The following BMPR2 variants were observed in gnomAD, a reference collection of about 807,000 sequenced individuals.
BMPR2 encodes bone morphogenetic protein receptor type-2.
BMPR2 carries 29 observed loss-of-function variants against 100.8 expected under a neutral mutation model. The observed-to-expected ratio is 0.29, with a 90% CI of 0.21 to 0.39. The LOEUF is 0.39. Ranked by LOEUF, BMPR2 falls within the 10% of genes least tolerant of loss-of-function variation. BMPR2 has a pLI of 1.00. For missense variants in BMPR2, 1,011 were observed against 1,274.5 expected (o/e 0.79, Z 3.15); for synonymous variants, 382 against 442.3 (o/e 0.86, Z 1.71).
chr2:202,459,030 G>C (rs1397475684), intron 1 of BMPR2, among the ~76,000 whole-genome samples: 1 of 152,144 alleles, frequency 6.6e-6, no homozygotes, highest in Non-Finnish European at 1.5e-5. Flanking sequence ...TTTTTATACT[G>C]TCTCTCTGCT....
At chr2:202,398,857 G>A (rs1013762475) in intron 1 of BMPR2, among the ~76,000 whole-genome samples, 18 of 152,266 alleles carry the variant, frequency 1.2e-4, no homozygotes, top group Admixed American at 7.8e-4. Context: ...AGCCGGGTGC[G>A]GTGGCTCACG....
intron 1 of BMPR2, among the ~76,000 whole-genome samples, chr2:202,431,674 T>C (rs1691504800): frequency 6.7e-6 from 1 of 150,186 alleles, no homozygotes; most frequent in South Asian, 2.1e-4. Context: ...CAATATTCAG[T>C]AGTATAGTAA....
chr2:202,484,782 C>T (rs1236005627), intron 3 of BMPR2, among the ~76,000 whole-genome samples: 2 of 150,872 alleles, frequency 1.3e-5, no homozygotes, highest in Non-Finnish European at 2.9e-5. Context: ...CTGGCTAACA[C>T]GGTGAAACCC....
chr2:202,518,997 G>C lies in BMPR2; in HGVS notation c.797G>C (p.Arg266Thr), dbSNP rs374694591. The C allele has an allele frequency of 7.1e-5, 114 of 1,614,164 alleles. No homozygotes were observed. Among genetic ancestry groups the C allele is most frequent in the Non-Finnish European group, 9.3e-5 (110 of 1,180,032 alleles). Reference sequence around the variant, plus strand: ...GCCCGCTTTATAGTTGGAGATGAGAGAGTCACTGCAGATGGACGCATGGAA... The same window carrying C: ...GCCCGCTTTATAGTTGGAGATGAGACAGTCACTGCAGATGGACGCATGGAA... ...NIARFIVGDE[R>T]VTADGRMEYL... Residue 266 changes from arginine to threonine, a missense_variant, in exon 6 of 13, where the codon AGA becomes ACA. By Grantham distance (71) the Arg-to-Thr change is moderately conservative (BLOSUM62 -1). This residue lies in a region of BMPR2 where 355 missense variants were observed against 455.3 expected (regional missense o/e 0.78). Transcript: ENST00000374580.
At chr2:202,420,537 A>ATATTT (rs1201308485) in intron 1 of BMPR2, among the ~76,000 whole-genome samples, 1 of 58,980 alleles carries the variant, frequency 1.7e-5, no homozygotes, top group South Asian at 9.1e-4. Context: ...TAGAAGCATG[A>ATATTT]TTTTTTTTTT....
intron 1 of BMPR2, among the ~76,000 whole-genome samples, chr2:202,452,823 G>A (rs1692015018): frequency 6.6e-6 from 1 of 152,182 alleles, no homozygotes; most frequent in Non-Finnish European, 1.5e-5. Flanking sequence ...CAAGTAGTAA[G>A]AATTATGGGG....
At chr2:202,449,265 G>A (rs1439816567) in intron 1 of BMPR2, among the ~76,000 whole-genome samples, 5 of 151,322 alleles carry the variant, frequency 3.3e-5, no homozygotes, top group East Asian at 1.9e-4. Flanking sequence ...CCAAGATTGC[G>A]CTGTTACACT....
rs1032611766 is a variant in BMPR2 at position 202,566,017 on chromosome 2, A to G, written c.*6071A>G. ...ACTATTAAACATTGTGAACATACAC[A>G]TTTTTAAAACAACTTGAAACCCATT... is the stretch of plus-strand genomic sequence containing the variant. On this transcript the variant is annotated 3_prime_UTR_variant, in exon 13 of 13. Transcript: ENST00000374580. 6.6e-6 allele frequency: 1 copy of G among 152,322 alleles called. No homozygotes were observed. Among genetic ancestry groups the G allele is most frequent in the African/African-American group, 2.4e-5 (1 of 41,586 alleles). 9.4% of individuals were successfully genotyped at this position (152,322 alleles called of 1,614,324 possible). A position where few individuals can be genotyped will look rare whatever the true frequency, so the allele number is the denominator to read the frequency against.
At chr2:202,388,419 AAC>A (rs1455409634) in intron 1 of BMPR2, among the ~76,000 whole-genome samples, 25 of 150,158 alleles carry the variant, frequency 1.7e-4, no homozygotes, top group Non-Finnish European at 2.7e-4. Flanking sequence ...AAAAAAAAAA[AAC>A]ATTGTTTGTC....
At chr2:202,449,351 T>TAAA (rs1012578297) in intron 1 of BMPR2, among the ~76,000 whole-genome samples, 4 of 143,526 alleles carry the variant, frequency 2.8e-5, no homozygotes, top group Non-Finnish European at 4.6e-5. Flanking sequence ...AAATAAATAA[T>TAAA]AAAAAAATAA....
At chr2:202,479,083 T>A (rs893019300) in intron 3 of BMPR2, among the ~76,000 whole-genome samples, 4 of 152,232 alleles carry the variant, frequency 2.6e-5, no homozygotes, top group Admixed American at 2.0e-4. Context: ...ATAACTTGAT[T>A]TTAACAAATT....
At chr2:202,412,742 A>G (rs1691039181) in intron 1 of BMPR2, among the ~76,000 whole-genome samples, 2 of 152,244 alleles carry the variant, frequency 1.3e-5, no homozygotes, top group African/African-American at 4.8e-5. Flanking sequence ...TTAAAGGGAT[A>G]CTAGAGTTTA....
chr2:202,525,406 A>G (rs2106013234), intron 7 of BMPR2, among the ~76,000 whole-genome samples: 1 of 152,208 alleles, frequency 6.6e-6, no homozygotes, highest in South Asian at 2.1e-4. Flanking sequence ...CATGTTGGCC[A>G]AGATGGTCTC....
chr2:202,561,917 C>T lies in BMPR2; in HGVS notation c.*1971C>T, dbSNP rs573926101. ...ATCTTGTTAGTGCCCAGGATTTCCA[C>T]GTTTTGTGTTTTATTGGCCCTTTTC... On this transcript the variant is annotated 3_prime_UTR_variant, in exon 13 of 13. Coordinates refer to ENST00000374580, the MANE Select transcript of BMPR2 (RefSeq NM_001204.7). 1.3e-4 allele frequency: 20 copies of T among 152,182 alleles called. 1 individual carries two copies. The South Asian group carries it at 3.3e-3, about 25-fold the overall frequency. 9.4% of individuals were successfully genotyped at this position (152,182 alleles called of 1,614,324 possible).
chr2:202,424,569 G>A (rs1420146410), intron 1 of BMPR2, among the ~76,000 whole-genome samples: 3 of 151,636 alleles, frequency 2.0e-5, no homozygotes, highest in Non-Finnish European at 2.9e-5. Flanking sequence ...GGTGGCAGGC[G>A]CCTGTAATCC....
intron 9 of BMPR2, among the ~76,000 whole-genome samples, chr2:202,541,507 C>T (rs1325075043): frequency 6.6e-6 from 1 of 152,150 alleles, no homozygotes. Flanking sequence ...ACATTTGATA[C>T]AGTCTGGCTG....
intron 3 of BMPR2, among the ~76,000 whole-genome samples, chr2:202,496,116 T>C (rs1693022254): frequency 6.6e-6 from 1 of 152,206 alleles, no homozygotes; most frequent in African/African-American, 2.4e-5. Flanking sequence ...ATCATTTAGT[T>C]GCTGTCAATA....
intron 1 of BMPR2, among the ~76,000 whole-genome samples, chr2:202,464,033 C>A (rs1347449065): frequency 6.6e-6 from 1 of 151,906 alleles, no homozygotes; most frequent in East Asian, 1.9e-4. Flanking sequence ...GTGGCACATG[C>A]CTGTAATGCC....
intron 1 of BMPR2, among the ~76,000 whole-genome samples, chr2:202,427,906 G>T (rs1691423072): frequency 6.6e-6 from 1 of 152,150 alleles, no homozygotes; most frequent in Non-Finnish European, 1.5e-5. Context: ...TTGAGCCTGG[G>T]AGGTGGTAGT....
Sources: allele counts gnomAD v4.1 joint callset (sites outside exome capture counted in the v4.1 genomes callset), GRCh38; gene constraint gnomAD v4.1.1; regional missense constraint gnomAD v4.1.1; transcripts MANE v1.5; gene names NCBI Gene and HGNC (gene_info 2026-07-23, HGNC 2026-07-21).